ANTXR2: variants seen among roughly 807,000 people sequenced by gnomAD.
ANTXR2 encodes the protein anthrax toxin receptor 2.
ANTXR2 carries 44 observed loss-of-function variants against 73.7 expected under a neutral mutation model. That is an observed-to-expected ratio of 0.60 (90% CI 0.47 to 0.77). The LOEUF is 0.77. ANTXR2 is among the 30% of genes least tolerant of loss of function. The pLI, the probability that ANTXR2 is intolerant of heterozygous loss-of-function variation, is 0.00. For missense variants in ANTXR2, 604 were observed against 592.5 expected (o/e 1.02, Z -0.20); for synonymous variants, 217 against 205.9 (o/e 1.05, Z -0.46).
chr4:79,912,170 G>A (rs975689451), intron 16 of ANTXR2, among the ~76,000 whole-genome samples: 1 of 151,656 alleles, frequency 6.6e-6, no homozygotes, highest in Non-Finnish European at 1.5e-5. Flanking sequence ...TAAAAATTAA[G>A]GTTCGGCAGA....
chr4:79,930,446 A>G (rs1265072428), intron 16 of ANTXR2, among the ~76,000 whole-genome samples: 2 of 152,192 alleles, frequency 1.3e-5, no homozygotes, highest in African/African-American at 4.8e-5. Context: ...TCTTTTCAAG[A>G]ACATATTCAC....
intron 12 of ANTXR2, among the ~76,000 whole-genome samples, chr4:79,994,740 T>A (rs1730645192): frequency 6.6e-6 from 1 of 151,956 alleles, no homozygotes; most frequent in Admixed American, 6.6e-5. Flanking sequence ...ATATGACCAC[T>A]GTTATCAAAC....
intron 7 of ANTXR2, among the ~76,000 whole-genome samples, chr4:80,052,234 T>A (rs1487000873): frequency 1.3e-5 from 2 of 151,670 alleles, no homozygotes; most frequent in Non-Finnish European, 3.0e-5. Context: ...CTCCTAGCCA[T>A]GTGACAGAAA....
At chr4:79,993,948 T>G (rs375981770) in intron 12 of ANTXR2, among the ~76,000 whole-genome samples, 4 of 152,012 alleles carry the variant, frequency 2.6e-5, no homozygotes, top group African/African-American at 9.6e-5. Context: ...TTTAATCACA[T>G]ATTGATTTGG....
chr4:80,038,187 ATGCATC>A (rs1265696304), intron 7 of ANTXR2, among the ~76,000 whole-genome samples: 1 of 152,150 alleles, frequency 6.6e-6, no homozygotes, highest in Admixed American at 6.6e-5. Flanking sequence ...GTCAAAAAAC[ATGCATC>A]CGGAATGACT....
At chr4:80,063,553 T>A (rs1349873641) in intron 3 of ANTXR2, among the ~76,000 whole-genome samples, 1 of 152,148 alleles carries the variant, frequency 6.6e-6, no homozygotes, top group Non-Finnish European at 1.5e-5. Context: ...GTGTCATTGT[T>A]AACAATTTGT....
chr4:80,013,178 C>T (rs2110062306), intron 11 of ANTXR2, among the ~76,000 whole-genome samples: 1 of 152,302 alleles, frequency 6.6e-6, no homozygotes, highest in Middle Eastern at 3.4e-3. Flanking sequence ...AAAGGATTGT[C>T]TAAATACAAA....
intron 16 of ANTXR2, among the ~76,000 whole-genome samples, chr4:79,966,228 A>T (rs539032199): frequency 2.6e-5 from 4 of 152,160 alleles, no homozygotes; most frequent in Non-Finnish European, 5.9e-5. Flanking sequence ...TTTAAAGAAC[A>T]GCCAGAGAAG....
At chr4:79,991,034 G>A (rs1730443665) in intron 12 of ANTXR2, among the ~76,000 whole-genome samples, 1 of 152,074 alleles carries the variant, frequency 6.6e-6, no homozygotes, top group Non-Finnish European at 1.5e-5. Context: ...TTTGGACATA[G>A]GCTTTGGCAA....
intron 16 of ANTXR2, among the ~76,000 whole-genome samples, chr4:79,909,746 C>T (rs959863221): frequency 6.6e-6 from 1 of 152,070 alleles, no homozygotes; most frequent in Admixed American, 6.5e-5. Context: ...TTCTCCCCTT[C>T]TAATCATGGA....
chr4:79,912,216 C>A (rs112935332), intron 16 of ANTXR2, among the ~76,000 whole-genome samples: 32 of 151,662 alleles, frequency 2.1e-4, no homozygotes, highest in African/African-American at 7.7e-4. Flanking sequence ...TATGCTATAG[C>A]GAAATACATT....
intron 7 of ANTXR2, among the ~76,000 whole-genome samples, chr4:80,041,189 T>C (rs1218086338): frequency 1.3e-5 from 2 of 152,076 alleles, no homozygotes; most frequent in Non-Finnish European, 2.9e-5. Context: ...GAATTAGCTC[T>C]TAACTAGGTT....
At chr4:80,060,456 AG>A (rs1734194065) in intron 3 of ANTXR2, among the ~76,000 whole-genome samples, 1 of 152,144 alleles carries the variant, frequency 6.6e-6, no homozygotes. Context: ...TCTGTATGAG[AG>A]TTTTGGGTAA....
chr4:79,973,331 TTA>T (rs1302783131), intron 16 of ANTXR2, among the ~76,000 whole-genome samples: 1 of 119,076 alleles, frequency 8.4e-6, no homozygotes, highest in African/African-American at 2.9e-5. Flanking sequence ...AGGTTCAGGT[TTA>T]TATGTGTGTG....
intron 13 of ANTXR2, among the ~76,000 whole-genome samples, chr4:79,984,398 T>C (rs994409469): frequency 2.6e-5 from 4 of 152,200 alleles, no homozygotes; most frequent in Non-Finnish European, 5.9e-5. Context: ...TTTGAAAATA[T>C]ACAACACCAG....
chr4:80,054,416 C>G, intron 6 of ANTXR2, 64 bp from the exon 7 acceptor site: 1 of 1,177,666 alleles, frequency 8.5e-7, no homozygotes, highest in East Asian at 2.5e-5. Flanking sequence ...TTATAAACTT[C>G]GTTACATTTC....
intron 12 of ANTXR2, among the ~76,000 whole-genome samples, chr4:80,007,251 C>T (rs1213601164): frequency 4.6e-5 from 7 of 152,076 alleles, no homozygotes; most frequent in East Asian, 3.9e-4. Flanking sequence ...AACATGAGAG[C>T]GGCGGGAAAA....
chr4:79,931,752 TA>T (rs1728067889), intron 16 of ANTXR2, among the ~76,000 whole-genome samples: 1 of 152,222 alleles, frequency 6.6e-6, no homozygotes, highest in African/African-American at 2.4e-5. Flanking sequence ...CAAATGAGCA[TA>T]TTTAATTTAT....
intron 16 of ANTXR2, among the ~76,000 whole-genome samples, chr4:79,933,978 T>C (rs968518639): frequency 6.6e-6 from 1 of 152,120 alleles, no homozygotes; most frequent in Middle Eastern, 3.4e-3. Flanking sequence ...GACCTCGTGA[T>C]CCGCCCGCCT....
Sources: gnomAD v4.1 joint callset for allele counts (sites outside exome capture counted in the v4.1 genomes callset) on GRCh38, gnomAD v4.1.1 for gene constraint, MANE v1.5 for transcripts, NCBI Gene and HGNC (gene_info 2026-07-23, HGNC 2026-07-21) for gene names.